Variants in TYW1 observed in about 807,000 individuals in gnomAD.
TYW1 encodes the protein tRNA-yW synthesizing protein 1 homolog, also known as S-adenosyl-L-methionine-dependent tRNA 4-demethylwyosine synthase TYW1.
A neutral mutation model predicts 96.2 loss-of-function variants in TYW1; 46 were observed. The observed-to-expected ratio is 0.48, with a 90% CI of 0.38 to 0.61. TYW1 has a LOEUF of 0.61. TYW1 is among the 20% of genes least tolerant of loss of function. The pLI, the probability that TYW1 is intolerant of heterozygous loss-of-function variation, is 0.00. For missense variants in TYW1, 684 were observed against 909.6 expected (o/e 0.75, Z 3.19); for synonymous variants, 274 against 323.0 (o/e 0.85, Z 1.63).
At chr7:67,156,442 G>T (rs532805224) in intron 13 of TYW1, among the ~76,000 whole-genome samples, 49 of 152,360 alleles carry the variant, frequency 3.2e-4, no homozygotes, top group Admixed American at 3.1e-3. Context: ...GTGTGTGCAG[G>T]TACATTGGCA....
intron 15 of TYW1, among the ~76,000 whole-genome samples, chr7:67,211,889 G>T (rs545758933): frequency 6.6e-6 from 1 of 152,258 alleles, no homozygotes; most frequent in Admixed American, 6.5e-5. Context: ...GCCCTTCAGC[G>T]AGATTATTTC....
intron 10 of TYW1, among the ~76,000 whole-genome samples, chr7:67,073,854 G>A (rs1426940528): frequency 2.0e-5 from 3 of 149,162 alleles, no homozygotes; most frequent in Admixed American, 6.7e-5. Flanking sequence ...AGGCTGAGGC[G>A]GGCAGATCAC....
intron 13 of TYW1, among the ~76,000 whole-genome samples, chr7:67,149,411 G>C (rs1266628038): frequency 6.6e-6 from 1 of 151,902 alleles, no homozygotes; most frequent in Non-Finnish European, 1.5e-5. Flanking sequence ...TTCTGATGTG[G>C]GTCCATAAGA....
chr7:67,202,638 C>T (rs1203746649), intron 15 of TYW1, among the ~76,000 whole-genome samples: 1 of 152,024 alleles, frequency 6.6e-6, no homozygotes, highest in African/African-American at 2.4e-5. Context: ...CTCGAGCAGC[C>T]CTCCCACCTC....
At chr7:67,159,882 G>A (rs1270417184) in intron 13 of TYW1, among the ~76,000 whole-genome samples, 2 of 151,320 alleles carry the variant, frequency 1.3e-5, no homozygotes, top group Non-Finnish European at 2.9e-5. Context: ...CTCACTGCAA[G>A]CTCTGCCTCC....
chr7:67,005,511 G>C (rs541072300), intron 3 of TYW1, among the ~76,000 whole-genome samples: 47 of 152,332 alleles, frequency 3.1e-4, no homozygotes, highest in Non-Finnish European at 5.4e-4. Context: ...TGGGACGATT[G>C]CTTGAGCCCA....
intron 13 of TYW1, among the ~76,000 whole-genome samples, chr7:67,122,967 G>A (rs748752048): frequency 5.9e-5 from 9 of 152,186 alleles, no homozygotes; most frequent in Non-Finnish European, 1.0e-4. Flanking sequence ...CTTTCACAAA[G>A]GAGAAGCATA....
At chr7:67,082,710 C>G (rs1796425159) in intron 10 of TYW1, among the ~76,000 whole-genome samples, 1 of 152,038 alleles carries the variant, frequency 6.6e-6, no homozygotes, top group South Asian at 2.1e-4. Context: ...TTGTGTCTGT[C>G]TTGGGGGTGG....
chr7:67,198,474 C>T (rs753682118), intron 15 of TYW1, among the ~76,000 whole-genome samples: 3 of 151,782 alleles, frequency 2.0e-5, no homozygotes, highest in African/African-American at 7.3e-5. Context: ...TCTCTTGAAC[C>T]CGGGAGGTGG....
At chr7:67,005,754 C>T (rs1318397034) in intron 3 of TYW1, among the ~76,000 whole-genome samples, 1 of 152,212 alleles carries the variant, frequency 6.6e-6, no homozygotes, top group Non-Finnish European at 1.5e-5. Flanking sequence ...TAGGTGAAGT[C>T]ACGTCATCCC....
chr7:67,012,812 G>A (rs1793859355), intron 4 of TYW1, among the ~76,000 whole-genome samples: 1 of 151,848 alleles, frequency 6.6e-6, no homozygotes, highest in African/African-American at 2.4e-5. Flanking sequence ...GGCTATGTGT[G>A]TAAGGTGTAT....
At chr7:67,057,374 G>GTT (rs1281847034) in intron 9 of TYW1, among the ~76,000 whole-genome samples, 2 of 138,740 alleles carry the variant, frequency 1.4e-5, no homozygotes, top group African/African-American at 2.6e-5. Flanking sequence ...CATTTTTTTT[G>GTT]TTTTTTTTTT....
Position 67,181,079 on chromosome 7 carries a change from GT to G in TYW1, c.1699-2043del, listed in dbSNP as rs566633847. On this transcript the variant is annotated intron_variant, in intron 13 of 15. Coordinates refer to ENST00000359626, the MANE Select transcript of TYW1 (RefSeq NM_018264.4). ...GTGTTTGATTTGCTCATTCTGTTTT[GT>G]TTTAAAAGCAGGGATGGCTTTTAAA... Among the ~76,000 whole-genome samples, 255 of 151,036 alleles carry G rather than the reference GT, an allele frequency of 1.7e-3. 1 individual carries two copies. The highest frequency in any genetic ancestry group is 2.5e-3 in the Non-Finnish European group (169 of 67,808).
chr7:67,100,333 A>G (rs1254466003), intron 12 of TYW1, among the ~76,000 whole-genome samples: 1 of 151,874 alleles, frequency 6.6e-6, no homozygotes, highest in East Asian at 1.9e-4. Context: ...AAAGTATTAC[A>G]AAATTTACTC....
intron 12 of TYW1, among the ~76,000 whole-genome samples, chr7:67,108,443 CTTTTTTTTTTT>C: frequency 7.4e-6 from 1 of 134,782 alleles, no homozygotes; most frequent in South Asian, 2.4e-4. Context: ...CAGATTTTTT[CTTTTTTTTTTT>C]TTTTTGAGAC....
At chr7:67,100,520 T>G (rs1797053271) in intron 12 of TYW1, among the ~76,000 whole-genome samples, 2 of 151,848 alleles carry the variant, frequency 1.3e-5, no homozygotes, top group Non-Finnish European at 2.9e-5. Context: ...CAAGTTTGTT[T>G]CGTAAACACT....
rs57594073 is a variant in TYW1, at chr7:67,048,089, C to CGTGTTAAAATTTTTAATCTGTATTAT, written c.985-1860_985-1859insGTGTTAAAATTTTTAATCTGTATTAT. On this transcript the variant is annotated intron_variant, in intron 7 of 15. Transcript: ENST00000359626. ...AGGCGTGAGCCAACGTGCCCAGCCACATATGGGGGACATTGAATGTTCTCA... is the reference window on the plus strand; with the variant it reads ...AGGCGTGAGCCAACGTGCCCAGCCACGTGTTAAAATTTTTAATCTGTATTATATATGGGGGACATTGAATGTTCTCA... Among the ~76,000 whole-genome samples, 2 of 78,364 alleles carry CGTGTTAAAATTTTTAATCTGTATTAT rather than the reference C, an allele frequency of 2.6e-5. 1 individual carries two copies. Among genetic ancestry groups the CGTGTTAAAATTTTTAATCTGTATTAT allele is most frequent in the Non-Finnish European group, 4.9e-5 (2 of 41,210 alleles). 51.4% of individuals were successfully genotyped at this position (78,364 alleles called of 152,430 possible). A position where few individuals can be genotyped will look rare whatever the true frequency, so the allele number is the denominator to read the frequency against.
At chr7:67,204,366 C>T (rs906128632) in intron 15 of TYW1, among the ~76,000 whole-genome samples, 4 of 151,984 alleles carry the variant, frequency 2.6e-5, no homozygotes, top group African/African-American at 7.2e-5. Flanking sequence ...TTTACTCTTC[C>T]ATTCTGTTGA....
At chr7:67,082,353 A>G (rs1796416103) in intron 10 of TYW1, among the ~76,000 whole-genome samples, 1 of 152,096 alleles carries the variant, frequency 6.6e-6, no homozygotes, top group African/African-American at 2.4e-5. Context: ...CGGGTACAGT[A>G]GTGTAGTAGT....
Sources: gnomAD v4.1 joint callset for allele counts (sites outside exome capture counted in the v4.1 genomes callset) on GRCh38, gnomAD v4.1.1 for gene constraint, MANE v1.5 for transcripts, NCBI Gene and HGNC (gene_info 2026-07-23, HGNC 2026-07-21) for gene names.